THADA: variants seen among roughly 807,000 people sequenced by gnomAD.
THADA encodes THADA armadillo repeat containing, also known as tRNA (32-2'-O)-methyltransferase regulator THADA.
A neutral mutation model predicts 219.8 loss-of-function variants in THADA; 213 were observed. The ratio of observed to expected loss-of-function variants is 0.97; its 90% confidence interval spans 0.87 to 1.09. The LOEUF (loss-of-function observed/expected upper bound fraction) is 1.09, where lower values mean the gene tolerates loss of function less well. THADA is among the 50% of genes least tolerant of loss of function. The probability of loss-of-function intolerance (pLI) is 0.00; values close to 1 mark genes in which losing one functional copy is unlikely to be tolerated. For synonymous variants in THADA, 1,018 were observed against 828.9 expected (o/e 1.23, Z -3.92); for missense variants, 2,956 against 2,311.3 (o/e 1.28, Z -5.72).
At chr2:43,437,864 C>T (rs542175078) in intron 26 of THADA, among the ~76,000 whole-genome samples, 3 of 152,266 alleles carry the variant, frequency 2.0e-5, no homozygotes, top group African/African-American at 7.2e-5. Context: ...CTAAGAATTA[C>T]ATAATCAGTA....
chr2:43,507,582 C>A (rs1316219957), intron 23 of THADA, among the ~76,000 whole-genome samples: 1 of 152,148 alleles, frequency 6.6e-6, no homozygotes, highest in Non-Finnish European at 1.5e-5. Context: ...ACCTCTGCAA[C>A]TGATGCCCAC....
intron 32 of THADA, among the ~76,000 whole-genome samples, chr2:43,292,543 G>A (rs1006609836): frequency 5.9e-5 from 9 of 152,320 alleles, no homozygotes; most frequent in African/African-American, 2.2e-4. Flanking sequence ...ACACTCTACA[G>A]TGAATTTTTA....
chr2:43,421,967 T>A (rs1311898561), intron 28 of THADA, among the ~76,000 whole-genome samples: 1 of 152,216 alleles, frequency 6.6e-6, no homozygotes, highest in Non-Finnish European at 1.5e-5. Context: ...GGCAGGTTGA[T>A]CATTTCATTC....
intron 30 of THADA, among the ~76,000 whole-genome samples, chr2:43,322,827 A>G (rs1678898803): frequency 6.6e-6 from 1 of 151,046 alleles, no homozygotes; most frequent in Non-Finnish European, 1.5e-5. Flanking sequence ...CTGGGACTAC[A>G]GGCGCCCGCC....
chr2:43,571,751 G>A lies in THADA; in HGVS notation c.2020C>T (p.Gln674Ter), dbSNP rs776865876. 6 of 1,613,734 alleles carry A rather than the reference G, an allele frequency of 3.7e-6. No individual in the cohort carries two copies. In the South Asian group the frequency reaches 6.6e-5, roughly 18 times the overall value. Residue 674 changes from glutamine (Q) to a stop codon, truncating the protein, a stop_gained, in exon 13 of 38, where the codon CAG becomes TAG. Coordinates refer to ENST00000405975, the MANE Select transcript of THADA (RefSeq NM_022065.5). LOFTEE classifies it high-confidence loss of function. ...QFFITYNLNS[Q>*]SPGVRQQICS... Reference sequence around the variant, plus strand: ...ATCTGTTGCCGCACTCCTGGAGACTGGCTGTTAAGATTGTATGTAATAAAG... The same window carrying A: ...ATCTGTTGCCGCACTCCTGGAGACTAGCTGTTAAGATTGTATGTAATAAAG...
chr2:43,323,799 C>A (rs556356982), intron 30 of THADA, among the ~76,000 whole-genome samples: 1 of 152,146 alleles, frequency 6.6e-6, no homozygotes, highest in Admixed American at 6.5e-5. Flanking sequence ...TACTTCCAAC[C>A]GGGCCATGTA....
chr2:43,541,698 CAG>C (rs752322265), intron 20 of THADA, among the ~76,000 whole-genome samples: 1 of 151,960 alleles, frequency 6.6e-6, no homozygotes, highest in Non-Finnish European at 1.5e-5. Context: ...TTTGTAAAGA[CAG>C]GGTTTCACCA....
intron 21 of THADA, 81 bp from the exon 22 acceptor site, chr2:43,528,069 C>A (rs1693388310): frequency 1.0e-6 from 1 of 983,124 alleles, no homozygotes. Context: ...CTGTTTAGAA[C>A]CCAGGTCTAG....
intron 29 of THADA, among the ~76,000 whole-genome samples, chr2:43,354,023 T>A (rs1238044515): frequency 6.6e-6 from 1 of 152,080 alleles, no homozygotes; most frequent in Admixed American, 6.6e-5. Flanking sequence ...TTCACCGTGT[T>A]AGCCAGGCTG....
chr2:43,403,290 T>TA (rs1472027043), intron 28 of THADA, among the ~76,000 whole-genome samples: 1 of 152,200 alleles, frequency 6.6e-6, no homozygotes, highest in Non-Finnish European at 1.5e-5. Context: ...ATGAACAACT[T>TA]AGAGAACCAA....
chr2:43,286,872 G>C (rs1674084587), intron 35 of THADA, 36 bp downstream of exon 35: 1 of 1,588,702 alleles, frequency 6.3e-7, no homozygotes, highest in Non-Finnish European at 8.6e-7. Flanking sequence ...TTTTAAGTGA[G>C]TTTGGTACAA....
chr2:43,255,480 TTTCA>T lies in THADA; in HGVS notation c.5297-22602_5297-22599del, dbSNP rs575572942. ...ATGAATTTCCACGGGTGTGGCTGAC[TTTCA>T]TTGTTTTTCACTGCTGTGGTGCTGC... On this transcript the variant is annotated intron_variant, in intron 36 of 37. Transcript: ENST00000405975. Among the ~76,000 whole-genome samples the T allele has an allele frequency of 3.0e-3, 456 of 152,320 alleles. 9 individuals carry two copies. The highest frequency in any genetic ancestry group is 7.3e-4 in the Non-Finnish European group (50 of 68,030).
At chr2:43,292,734 G>A (rs1674881970) in intron 32 of THADA, 100 bp downstream of exon 32, 7 of 1,439,690 alleles carry the variant, frequency 4.9e-6, no homozygotes, top group Non-Finnish European at 6.5e-6. Flanking sequence ...TGCCCCTGGA[G>A]AGCCTAAACC....
At chr2:43,262,945 G>C (rs761631450) in intron 36 of THADA, among the ~76,000 whole-genome samples, 3 of 152,190 alleles carry the variant, frequency 2.0e-5, no homozygotes, top group African/African-American at 7.2e-5. Context: ...CCCCACTTCT[G>C]TGTAATGTGC....
intron 25 of THADA, chr2:43,492,420 T>C (rs892873357): frequency 1.3e-5 from 2 of 152,174 alleles, no homozygotes; most frequent in East Asian, 1.9e-4. Flanking sequence ...TTCTTATCTA[T>C]GTATATAGCT....
intron 36 of THADA, among the ~76,000 whole-genome samples, chr2:43,267,751 C>G (rs758247912): frequency 4.6e-5 from 7 of 151,554 alleles, no homozygotes; most frequent in African/African-American, 7.3e-5. Flanking sequence ...AGAAGGTGTG[C>G]GCCCCTAATC....
intron 30 of THADA, among the ~76,000 whole-genome samples, chr2:43,342,554 G>A (rs1424611505): frequency 1.3e-5 from 2 of 152,100 alleles, no homozygotes; most frequent in South Asian, 2.1e-4. Context: ...TGCCTATGCC[G>A]TTACCTAAGC....
intron 26 of THADA, among the ~76,000 whole-genome samples, chr2:43,433,628 T>C (rs181812682): frequency 6.6e-6 from 1 of 152,302 alleles, no homozygotes; most frequent in Admixed American, 6.5e-5. Flanking sequence ...TGATTATAAA[T>C]GCAACGCAAT....
chr2:43,523,850 C>T (rs566337739), intron 22 of THADA, among the ~76,000 whole-genome samples: 3 of 152,252 alleles, frequency 2.0e-5, no homozygotes, highest in African/African-American at 7.2e-5. Flanking sequence ...ATAAATCTCC[C>T]TTCTAGATTT....
Sources: allele counts gnomAD v4.1 joint callset (sites outside exome capture counted in the v4.1 genomes callset), GRCh38; gene constraint gnomAD v4.1.1; transcripts MANE v1.5; gene names NCBI Gene and HGNC (gene_info 2026-07-23, HGNC 2026-07-21).